BMP5: variants seen among roughly 807,000 people sequenced by gnomAD.
BMP5 encodes the protein bone morphogenetic protein 5.
BMP5 carries 23 observed loss-of-function variants against 46.6 expected under a neutral mutation model. The observed-to-expected ratio is 0.49, with a 90% CI of 0.35 to 0.70. The LOEUF is 0.70. BMP5 is among the 30% of genes least tolerant of loss of function. The probability of loss-of-function intolerance (pLI) is 0.00; values close to 1 mark genes in which losing one functional copy is unlikely to be tolerated. For missense variants in BMP5, 545 were observed against 565.6 expected (o/e 0.96, Z 0.37); for synonymous variants, 204 against 191.9 (o/e 1.06, Z -0.52).
At chr6:55,770,465 A>G (rs1582050187) in intron 4 of BMP5, among the ~76,000 whole-genome samples, 1 of 151,932 alleles carries the variant, frequency 6.6e-6, no homozygotes, top group East Asian at 1.9e-4. Context: ...TTTGGTATAA[A>G]GGAATGTTGT....
At chr6:55,820,880 G>A (rs540622842) in intron 1 of BMP5, among the ~76,000 whole-genome samples, 48 of 152,120 alleles carry the variant, frequency 3.2e-4, no homozygotes, top group Non-Finnish European at 5.9e-4. Context: ...AACAAATGAA[G>A]TCAAAGAACT....
Position 55,780,409 on chromosome 6 carries a change from A to ACCTTGT in BMP5, c.833-6167_833-6166insACAAGG, listed in dbSNP as rs1775281521. On this transcript the variant is annotated intron_variant, in intron 3 of 6. Coordinates refer to ENST00000370830, the MANE Select transcript of BMP5 (RefSeq NM_021073.4). ...GCCAAGGTGGGCCAATCACAAGGTC[A>ACCTTGT]GAAGATCGAGACCATTCTGGTTAAC... Among the ~76,000 whole-genome samples, 12 of 147,628 alleles carry ACCTTGT rather than the reference A, an allele frequency of 8.1e-5. No individual in the cohort carries two copies. The Admixed American group carries it at 8.2e-4, about 10-fold the overall frequency.
intron 6 of BMP5, among the ~76,000 whole-genome samples, chr6:55,756,127 A>G (rs1774588779): frequency 2.0e-5 from 3 of 152,132 alleles, no homozygotes; most frequent in South Asian, 4.1e-4. Context: ...AAATTAAGCA[A>G]TAAATCATAC....
At chr6:55,789,004 G>T (rs980076176) in intron 3 of BMP5, among the ~76,000 whole-genome samples, 1 of 150,360 alleles carries the variant, frequency 6.7e-6, no homozygotes, top group Non-Finnish European at 1.5e-5. Context: ...TAAACTTTCT[G>T]ACTTTAAACC....
chr6:55,759,194 A>AAAAAAAAC (rs1554174497), intron 5 of BMP5, 79 bp from the exon 6 acceptor site: 11 of 797,422 alleles, frequency 1.4e-5, no homozygotes, highest in South Asian at 1.7e-5. Flanking sequence ...CAACAAGAAA[A>AAAAAAAAC]AATATCACCA....
chr6:55,825,071 G>T (rs1432621431), intron 1 of BMP5, among the ~76,000 whole-genome samples: 1 of 151,762 alleles, frequency 6.6e-6, no homozygotes, highest in Non-Finnish European at 1.5e-5. Context: ...ATTTATTAGA[G>T]CTGATGGTTG....
Position 55,757,991 on chromosome 6 carries a change from G to A in BMP5, c.1215+1014C>T, listed in dbSNP as rs944138729. Among the ~76,000 whole-genome samples, 4 of 151,918 alleles carry A rather than the reference G, an allele frequency of 2.6e-5. No homozygotes were observed. In the South Asian group the frequency reaches 6.2e-4, roughly 24 times the overall value. Reference sequence around the variant, plus strand: ...TTCAGCTTTAAGTTTTAAATTAATTGTGGGGGAAAATAGCAAACTTATGGA... The same window carrying A: ...TTCAGCTTTAAGTTTTAAATTAATTATGGGGGAAAATAGCAAACTTATGGA... On this transcript the variant is annotated intron_variant, in intron 6 of 6. Transcript: ENST00000370830.
chr6:55,780,232 G>A (rs1031201026), intron 3 of BMP5, among the ~76,000 whole-genome samples: 4 of 151,496 alleles, frequency 2.6e-5, no homozygotes, highest in African/African-American at 9.7e-5. Flanking sequence ...AAAAAAAGAC[G>A]GACTGGAAAA....
Position 55,823,529 on chromosome 6 carries a change from T to C in BMP5, c.491-3682A>G, listed in dbSNP as rs377157508. ...TGACCCTACTTAAGTCCACTAGTTT[T>C]ATAACTTGTCAAAGAGCCCAAAACT... is the stretch of plus-strand genomic sequence containing the variant. On this transcript the variant is annotated intron_variant, in intron 1 of 6. Transcript: ENST00000370830. 5.1e-4 allele frequency among the ~76,000 whole-genome samples: 78 copies of C among 152,154 alleles called. No individual in the cohort carries two copies. The South Asian group carries it at 0.016, about 31-fold the overall frequency.
chr6:55,775,114 T>A (rs1320311446), intron 3 of BMP5, among the ~76,000 whole-genome samples: 1 of 151,932 alleles, frequency 6.6e-6, no homozygotes, highest in Admixed American at 6.6e-5. Context: ...TGTGGTTATA[T>A]ATCAGTGAAA....
intron 5 of BMP5, 138 bp downstream of exon 5, chr6:55,760,319 G>A: frequency 2.7e-6 from 2 of 752,818 alleles, no homozygotes; most frequent in East Asian, 5.4e-5. Flanking sequence ...TGAAAATAAA[G>A]TGAATAAGCC....
At chr6:55,776,134 G>T (rs560322761) in intron 3 of BMP5, among the ~76,000 whole-genome samples, 1 of 152,092 alleles carries the variant, frequency 6.6e-6, no homozygotes, top group African/African-American at 2.4e-5. Flanking sequence ...TCTTTTAAAT[G>T]CAAACTTACA....
chr6:55,813,495 A>T (rs2127536116), intron 2 of BMP5, among the ~76,000 whole-genome samples: 1 of 152,162 alleles, frequency 6.6e-6, no homozygotes, highest in East Asian at 1.9e-4. Context: ...AATAGTTTTC[A>T]AAAATGTAAT....
chr6:55,825,969 T>C (rs902617260), intron 1 of BMP5, among the ~76,000 whole-genome samples: 2 of 151,890 alleles, frequency 1.3e-5, no homozygotes, highest in Non-Finnish European at 2.9e-5. Context: ...GAATTATTAC[T>C]AATCTGTGTT....
chr6:55,831,319 A>G (rs959624275), intron 1 of BMP5, among the ~76,000 whole-genome samples: 1 of 152,180 alleles, frequency 6.6e-6, no homozygotes, highest in African/African-American at 2.4e-5. Context: ...TTAAATAAGC[A>G]CAGACAACCA....
intron 2 of BMP5, among the ~76,000 whole-genome samples, chr6:55,813,268 G>A (rs894370592): frequency 6.6e-6 from 1 of 151,888 alleles, no homozygotes; most frequent in African/African-American, 2.4e-5. Flanking sequence ...TCACATTGCT[G>A]TTTATACCAA....
In BMP5 at chr6:55,875,008, C is replaced by G; in HGVS notation, c.-143G>C. 1 of 887,520 alleles carries G rather than the reference C, an allele frequency of 1.1e-6. No individual in the cohort carries two copies. The allele number at this position is 887,520 out of a possible 1,614,324, so 55.0% of individuals were successfully genotyped here. On this transcript the variant is annotated 5_prime_UTR_variant, in exon 1 of 7. Transcript: ENST00000370830. ...TTTTCATGACAGTGACATTTCTGAG[C>G]ACAACATCCTCACCGATTTTCCTGT...
At chr6:55,808,276 G>T (rs998957295) in intron 2 of BMP5, among the ~76,000 whole-genome samples, 16 of 152,192 alleles carry the variant, frequency 1.1e-4, no homozygotes, top group African/African-American at 3.9e-4. Context: ...TGCCACAGCT[G>T]ATGTGTTTGG....
At chr6:55,834,432 C>T (rs562783836) in intron 1 of BMP5, among the ~76,000 whole-genome samples, 7 of 152,132 alleles carry the variant, frequency 4.6e-5, no homozygotes, top group Non-Finnish European at 8.8e-5. Context: ...CATGCCTTGC[C>T]TCTTATCTCT....
Sources: gnomAD v4.1 joint callset for allele counts (sites outside exome capture counted in the v4.1 genomes callset) on GRCh38, gnomAD v4.1.1 for gene constraint, MANE v1.5 for transcripts, NCBI Gene and HGNC (gene_info 2026-07-23, HGNC 2026-07-21) for gene names.